WDR88: variants seen among roughly 807,000 people sequenced by gnomAD.
The protein encoded by WDR88 is WD repeat-containing protein 88.
A neutral mutation model predicts 46.8 loss-of-function variants in WDR88; 40 were observed. The ratio of observed to expected loss-of-function variants is 0.86; its 90% CI spans 0.66 to 1.11. WDR88 has a LOEUF of 1.11. Ranked by LOEUF, WDR88 falls within the 50% of genes most tolerant of loss-of-function variation. The pLI is 0.00. For missense variants in WDR88, 562 were observed against 602.4 expected (o/e 0.93, Z 0.70); for synonymous variants, 235 against 240.7 (o/e 0.98, Z 0.22).
chr19:33,158,434 A>AAAAAAAGAAAGAAAAAAAAAAGG (rs1973803544), intron 7 of WDR88, among the ~76,000 whole-genome samples: 2 of 152,110 alleles, frequency 1.3e-5, no homozygotes, highest in Non-Finnish European at 2.9e-5. Context: ...TCAAAAAAAG[A>AAAAAAAGAAAGAAAAAAAAAAGG]AAAAAAGAAA....
chr19:33,137,378 G>A (rs754565017), intron 1 of WDR88, among the ~76,000 whole-genome samples: 4 of 151,198 alleles, frequency 2.6e-5, no homozygotes, highest in African/African-American at 7.3e-5. Context: ...CTCAGCCTCC[G>A]AGTAGCTGGG....
intron 10 of WDR88, chr19:33,174,939 A>T: frequency 1.0e-6 from 1 of 985,434 alleles, no homozygotes; most frequent in Non-Finnish European, 1.2e-6. Flanking sequence ...GTGGGGTTAG[A>T]GATTCCAGAG....
intron 2 of WDR88, chr19:33,142,878 A>AAAAAAAAAAAAAG (rs1289318961): frequency 1.5e-4 from 21 of 142,870 alleles, no homozygotes; most frequent in African/African-American, 5.2e-4. Context: ...AAAAAAAAAA[A>AAAAAAAAAAAAAG]AAGGCCGGGG....
chr19:33,153,896 T>G (rs540335943), intron 6 of WDR88, among the ~76,000 whole-genome samples: 23 of 152,342 alleles, frequency 1.5e-4, no homozygotes, highest in Non-Finnish European at 2.9e-4. Context: ...TGTCCTTAGT[T>G]TTCTGAAGTG....
rs1207080558 is a variant in WDR88 at position 33,165,119 on chromosome 19, G to A, written c.1149+854G>A. ...GGCCACTGATCTGACAGGAGGTGGA[G>A]CTCAGGTGGTAAAGCTAGTGACAGG... is the stretch of plus-strand genomic sequence containing the variant. On this transcript the variant is annotated intron_variant, in intron 9 of 10. Transcript: ENST00000355868. Among the ~76,000 whole-genome samples, 3 of 152,274 alleles carry A rather than the reference G, an allele frequency of 2.0e-5. No individual in the cohort carries two copies. In the South Asian group the frequency reaches 6.2e-4, roughly 32 times the overall value.
intron 7 of WDR88, among the ~76,000 whole-genome samples, chr19:33,159,926 G>C (rs941816022): frequency 2.0e-5 from 3 of 151,862 alleles, no homozygotes; most frequent in Admixed American, 1.3e-4. Context: ...TCCCATCTGG[G>C]GGTGATGGGA....
rs1209410643 is a variant in WDR88, at chr19:33,164,278, A to C, written c.1149+13A>C. The C allele has an allele frequency of 1.9e-6, 3 of 1,612,280 alleles. No individual in the cohort carries two copies. The highest frequency in any genetic ancestry group is 1.1e-5 in the South Asian group (1 of 91,014). ...GTCTGCTTCCAAGGTAAAAGTGGTC[A>C]AGCTTACAATATCGATCACGTTCGC... On this transcript the variant is annotated intron_variant, in intron 9 of 10. Transcript: ENST00000355868.
At chr19:33,168,356 A>G (rs948537006) in intron 9 of WDR88, among the ~76,000 whole-genome samples, 4 of 152,166 alleles carry the variant, frequency 2.6e-5, no homozygotes, top group African/African-American at 9.7e-5. Flanking sequence ...AGGTGGCATG[A>G]TCGTAAATAT....
At chr19:33,140,935 A>AT (rs576514149) in intron 2 of WDR88, among the ~76,000 whole-genome samples, 2,902 of 127,094 alleles carry the variant, frequency 0.023, 101 homozygotes, top group African/African-American at 0.074. Context: ...CCAAACTTAC[A>AT]TTTTTTTTTT....
At chr19:33,146,571 C>T (rs115678914) in intron 3 of WDR88, among the ~76,000 whole-genome samples, 1,816 of 152,016 alleles carry the variant, frequency 0.012, 37 homozygotes, top group African/African-American at 0.041. Context: ...CACGCTGGAG[C>T]GCAGTGGCGC....
intron 9 of WDR88, among the ~76,000 whole-genome samples, chr19:33,166,868 A>G (rs1305640482): frequency 6.6e-6 from 1 of 152,208 alleles, no homozygotes; most frequent in Non-Finnish European, 1.5e-5. Flanking sequence ...GTGAGCCACA[A>G]TCATGCCACT....
intron 9 of WDR88, among the ~76,000 whole-genome samples, chr19:33,168,032 CTT>C (rs1555727366): frequency 2.9e-5 from 4 of 137,666 alleles, no homozygotes; most frequent in Non-Finnish European, 3.2e-5. Flanking sequence ...TGATTTCTTT[CTT>C]TTTTTTTTTT....
chr19:33,160,785 C>T (rs1026000691), intron 8 of WDR88, among the ~76,000 whole-genome samples: 1 of 152,164 alleles, frequency 6.6e-6, no homozygotes, highest in Admixed American at 6.5e-5. Context: ...GAAAGGACTA[C>T]ATAAGTGGGG....
chr19:33,153,853 AT>A (rs1370402965), intron 6 of WDR88, among the ~76,000 whole-genome samples: 3 of 152,062 alleles, frequency 2.0e-5, no homozygotes, highest in Admixed American at 6.6e-5. Flanking sequence ...GTAAAAAGTC[AT>A]TTCTCTCTTG....
chr19:33,172,509 T>C, intron 10 of WDR88, 69 bp downstream of exon 10: 4 of 1,356,402 alleles, frequency 2.9e-6, no homozygotes, highest in Non-Finnish European at 4.1e-6. Flanking sequence ...AATTTATCAT[T>C]TGAATGAACT....
chr19:33,139,008 A>T (rs1165051739), intron 2 of WDR88, among the ~76,000 whole-genome samples: 2 of 152,094 alleles, frequency 1.3e-5, no homozygotes, highest in African/African-American at 2.4e-5. Context: ...AGAGAACGGA[A>T]GTCCTGGCTG....
At chr19:33,150,603 C>T (rs1973613768) in intron 5 of WDR88, among the ~76,000 whole-genome samples, 1 of 152,154 alleles carries the variant, frequency 6.6e-6, no homozygotes, top group Non-Finnish European at 1.5e-5. Context: ...TGTTTGCACA[C>T]ACAACACTGC....
chr19:33,135,022 G>A (rs1306918820), intron 1 of WDR88, among the ~76,000 whole-genome samples: 1 of 145,936 alleles, frequency 6.9e-6, no homozygotes, highest in African/African-American at 2.5e-5. Flanking sequence ...CTCAACCTGG[G>A]ACGTGTCGCC....
chr19:33,153,325 A>G (rs1973672238), intron 6 of WDR88, among the ~76,000 whole-genome samples: 2 of 150,092 alleles, frequency 1.3e-5, no homozygotes, highest in African/African-American at 2.5e-5. Flanking sequence ...TTGGCCTCCC[A>G]AAGTTCTGGG....
Sources: gnomAD v4.1 joint callset for allele counts (sites outside exome capture counted in the v4.1 genomes callset) on GRCh38, gnomAD v4.1.1 for gene constraint, MANE v1.5 for transcripts, NCBI Gene and HGNC (gene_info 2026-07-23, HGNC 2026-07-21) for gene names.